DOCK8: variants seen among roughly 807,000 people sequenced by gnomAD.
DOCK8 encodes the protein dedicator of cytokinesis 8.
Under a neutral mutation model 245.6 loss-of-function variants are expected in DOCK8, and 141 were observed. That is an observed-to-expected ratio of 0.57 (90% CI 0.50 to 0.66). The LOEUF is 0.66. Ranked by LOEUF, DOCK8 falls within the 30% of genes least tolerant of loss-of-function variation. The pLI is 0.00. For synonymous variants in DOCK8, 1,168 were observed against 970.2 expected (o/e 1.20, Z -3.79); for missense variants, 2,965 against 2,603.4 (o/e 1.14, Z -3.02).
intron 5 of DOCK8, among the ~76,000 whole-genome samples, chr9:305,718 A>G (rs1387920928): frequency 2.0e-5 from 3 of 152,224 alleles, no homozygotes; most frequent in African/African-American, 4.8e-5. Context: ...ACTCCAGCAA[A>G]CACTCTAACA....
intron 33 of DOCK8, among the ~76,000 whole-genome samples, chr9:425,214 T>G (rs2056434429): frequency 6.6e-6 from 1 of 152,086 alleles, no homozygotes; most frequent in Non-Finnish European, 1.5e-5. Context: ...AATTTAAAAC[T>G]AAACTAGCAG....
At chr9:227,639 A>C (rs747467256) in intron 1 of DOCK8, among the ~76,000 whole-genome samples, 2 of 152,178 alleles carry the variant, frequency 1.3e-5, no homozygotes, top group Non-Finnish European at 2.9e-5. Flanking sequence ...ACACAGATGA[A>C]CATAAAATAC....
intron 5 of DOCK8, among the ~76,000 whole-genome samples, chr9:307,693 A>T (rs1328943507): frequency 1.3e-5 from 2 of 151,934 alleles, no homozygotes; most frequent in African/African-American, 4.8e-5. Flanking sequence ...TGATCATATG[A>T]TCCAGCAGTC....
intron 3 of DOCK8, among the ~76,000 whole-genome samples, chr9:287,538 A>C (rs758428233): frequency 2.0e-5 from 3 of 152,132 alleles, no homozygotes; most frequent in Non-Finnish European, 4.4e-5. Context: ...TTCTAGTTCT[A>C]TTTTGGATTT....
rs1032572357 is a variant in DOCK8, at chr9:413,490, T to G, written c.3531-1292T>G. Among the ~76,000 whole-genome samples, 9 of 152,088 alleles carry G rather than the reference T, an allele frequency of 5.9e-5. No individual in the cohort carries two copies. In the South Asian group the frequency reaches 1.9e-3, roughly 32 times the overall value. On this transcript the variant is annotated intron_variant, in intron 28 of 47. Coordinates refer to ENST00000432829, the MANE Select transcript of DOCK8 (RefSeq NM_203447.4). ...AGGCAACACACAAAATGGGAGAAAATATTTGCAAATCAAAAACCTAATAGG... is the reference window on the plus strand; with the variant it reads ...AGGCAACACACAAAATGGGAGAAAAGATTTGCAAATCAAAAACCTAATAGG...
At position 227,446 on chromosome 9, in the gene DOCK8, A is replaced by G. The variant is rs147484942; in HGVS notation, c.53+12417A>G. ...GTGAAGAGATAGCCTGGACTTTGTC[A>G]CATTATCTTTCTCCTATTCTAAACA... On this transcript the variant is annotated intron_variant, in intron 1 of 47. Coordinates refer to ENST00000432829, the MANE Select transcript of DOCK8 (RefSeq NM_203447.4). 2.4e-3 allele frequency among the ~76,000 whole-genome samples: 360 copies of G among 152,276 alleles called. 2 individuals are homozygous for G. Among genetic ancestry groups the G allele is most frequent in the African/African-American group, 8.2e-3 (340 of 41,546 alleles).
intron 19 of DOCK8, among the ~76,000 whole-genome samples, chr9:376,645 T>C (rs989213902): frequency 6.6e-6 from 1 of 152,144 alleles, no homozygotes; most frequent in Non-Finnish European, 1.5e-5. Context: ...TTCCGTACTC[T>C]CTCCTTTACC....
At chr9:399,612 G>T (rs1051938874) in intron 26 of DOCK8, among the ~76,000 whole-genome samples, 10 of 152,042 alleles carry the variant, frequency 6.6e-5, no homozygotes, top group African/African-American at 2.4e-4. Context: ...CCAGTCTGAG[G>T]TCTCTTTTCA....
chr9:367,981 G>C lies in DOCK8; in HGVS notation c.1680-37G>C, dbSNP rs145460377. 29 of 1,529,194 alleles carry C rather than the reference G, an allele frequency of 1.9e-5. 1 individual carries two copies. The African/African-American group carries it at 3.8e-4, about 20-fold the overall frequency. The allele number at this position is 1,529,194 out of a possible 1,614,324, so 94.7% of individuals were successfully genotyped here. A position where few individuals can be genotyped will look rare whatever the true frequency, so the allele number is the denominator to read the frequency against. ...AAGAACTTAGTTAAAATAAACTCTA[G>C]ACCTTTTTCATTGATTCTTTATCTC... On this transcript the variant is annotated intron_variant, in intron 14 of 47. Coordinates refer to ENST00000432829, the MANE Select transcript of DOCK8 (RefSeq NM_203447.4).
At chr9:317,203 T>C (rs1055003644) in intron 7 of DOCK8, 75 bp downstream of exon 7, 6 of 1,213,830 alleles carry the variant, frequency 4.9e-6, no homozygotes, top group Non-Finnish European at 7.2e-6. Context: ...GTGTTTATTA[T>C]CAGAGCTTGA....
At chr9:304,799 A>G (rs1162921813) in intron 5 of DOCK8, 95 bp downstream of exon 5, 3 of 1,570,040 alleles carry the variant, frequency 1.9e-6, no homozygotes, top group African/African-American at 2.7e-5. Flanking sequence ...CGATAGACGC[A>G]TAGAAAGTTT....
intron 31 of DOCK8, 31 bp from the exon 32 acceptor site, chr9:420,918 G>C: frequency 6.2e-7 from 1 of 1,614,082 alleles, no homozygotes; most frequent in Non-Finnish European, 8.5e-7. Context: ...TCTCACCAAA[G>C]GACATGTCCT....
chr9:279,258 C>G (rs2048477049), intron 2 of DOCK8, among the ~76,000 whole-genome samples: 2 of 152,106 alleles, frequency 1.3e-5, no homozygotes, highest in Non-Finnish European at 2.9e-5. Context: ...GTTTTGAACT[C>G]ATTGTGTTTG....
intron 1 of DOCK8, among the ~76,000 whole-genome samples, chr9:217,070 G>A (rs193207068): frequency 7.9e-5 from 12 of 152,226 alleles, no homozygotes; most frequent in Non-Finnish European, 1.3e-4. Flanking sequence ...TACAAAGTCC[G>A]AATTGCCAAG....
At chr9:241,265 C>T (rs188385084) in intron 1 of DOCK8, among the ~76,000 whole-genome samples, 18 of 152,150 alleles carry the variant, frequency 1.2e-4, no homozygotes, top group South Asian at 6.2e-4. Flanking sequence ...GTATTTGAAA[C>T]GACACAATAC....
chr9:259,496 G>C (rs768748455), intron 1 of DOCK8, among the ~76,000 whole-genome samples: 3 of 152,144 alleles, frequency 2.0e-5, no homozygotes, highest in African/African-American at 4.8e-5. Context: ...GAGTCAGATA[G>C]TCTTGGGTTC....
rs117350404 is a variant in DOCK8, at chr9:407,069, G to T, written c.3530G>T (p.Gly1177Val). 1.2e-6 allele frequency: 2 copies of T among 1,613,954 alleles called. No homozygotes were observed. The highest frequency in any genetic ancestry group is 2.2e-5 in the East Asian group (1 of 44,882). The change falls in exon 28 of 48, where the codon GGA becomes GTA. Residue 1177 changes from glycine (G) to valine (V), a missense_variant and splice_region_variant. Gly to Val is a moderately radical substitution (Grantham distance 109, BLOSUM62 -3). This residue lies in a region of DOCK8 where 2,825 missense variants were observed against 2,453.5 expected (regional missense o/e 1.15). Coordinates refer to ENST00000432829, the MANE Select transcript of DOCK8 (RefSeq NM_203447.4). ...GCTGCCCTGGATGCCGAAGGGGAAG[G>T]GTATGTTTCTGGCATTTAAAATGGA... ...LAAALDAEGE[G>V]ISKVQRKAVS...
chr9:368,602 C>G (rs73641534), intron 15 of DOCK8: 3 of 240,446 alleles, frequency 1.2e-5, no homozygotes, highest in Non-Finnish European at 2.5e-5. Context: ...ACACACACCA[C>G]CTCCACACCT....
rs375023413 is a variant in DOCK8, at chr9:452,032, G to C, written c.5983G>C (p.Val1995Leu). 1.9e-5 allele frequency: 30 copies of C among 1,580,292 alleles called. No individual in the cohort carries two copies. Among genetic ancestry groups the C allele is most frequent in the Non-Finnish European group, 2.6e-5 (30 of 1,163,086 alleles). ...VNQGPLEVAQVFLAEIPADPK... is the reference protein window; with the variant it reads ...VNQGPLEVAQLFLAEIPADPK... ...CCAGGGACCACTGGAAGTAGCCCAA[G>C]TGTTTTTGGCTGAAATTCCTGCTGA... is the stretch of plus-strand genomic sequence containing the variant. The change falls in exon 46 of 48, where the codon GTG (valine) becomes CTG (leucine). Residue 1995 changes from valine (V) to leucine (L), a missense_variant. By Grantham distance (32) the Val-to-Leu change is conservative (BLOSUM62 1). Transcript: ENST00000432829.
Sources: allele counts gnomAD v4.1 joint callset (sites outside exome capture counted in the v4.1 genomes callset), GRCh38; gene constraint gnomAD v4.1.1; regional missense constraint gnomAD v4.1.1; transcripts MANE v1.5; gene names NCBI Gene and HGNC (gene_info 2026-07-23, HGNC 2026-07-21).